CACNB4: variants seen among roughly 807,000 people sequenced by gnomAD.
The protein encoded by CACNB4 is voltage-dependent L-type calcium channel subunit beta-4.
Under a neutral mutation model 71.2 loss-of-function variants are expected in CACNB4, and 32 were observed. The ratio of observed to expected loss-of-function variants is 0.45; its 90% CI spans 0.34 to 0.60. The LOEUF (loss-of-function observed/expected upper bound fraction) is 0.60, where lower values mean the gene tolerates loss of function less well. CACNB4 is among the 20% of genes least tolerant of loss of function. The pLI, the probability that CACNB4 is intolerant of heterozygous loss-of-function variation, is 0.01. For missense variants in CACNB4, 464 were observed against 647.9 expected (o/e 0.72, Z 3.08); for synonymous variants, 231 against 236.9 (o/e 0.97, Z 0.23).
intron 4 of CACNB4, among the ~76,000 whole-genome samples, chr2:151,878,550 T>TAAACACACACACACAC (rs1553758243): frequency 2.3e-5 from 3 of 129,962 alleles, no homozygotes; most frequent in African/African-American, 5.7e-5. Flanking sequence ...AGACCCTGTC[T>TAAACACACACACACAC]ACACACACAC....
chr2:152,072,108 A>G (rs1686727251), intron 2 of CACNB4, among the ~76,000 whole-genome samples: 1 of 152,244 alleles, frequency 6.6e-6, no homozygotes, highest in Non-Finnish European at 1.5e-5. Context: ...AGATGACAAT[A>G]ATTGAGAGGG....
chr2:151,866,252 A>G (rs1470856062), intron 9 of CACNB4: 1 of 152,224 alleles, frequency 6.6e-6, no homozygotes, highest in African/African-American at 2.4e-5. Flanking sequence ...CTTTCATCCA[A>G]TTTGTTGAAT....
chr2:152,041,725 C>A (rs188345171), intron 2 of CACNB4, among the ~76,000 whole-genome samples: 2 of 152,250 alleles, frequency 1.3e-5, no homozygotes, highest in African/African-American at 4.8e-5. Flanking sequence ...ATTAAAAAAA[C>A]GGCTTTGGGT....
intron 10 of CACNB4, among the ~76,000 whole-genome samples, chr2:151,855,842 C>A (rs763714590): frequency 3.3e-5 from 5 of 152,074 alleles, no homozygotes; most frequent in Non-Finnish European, 4.4e-5. Flanking sequence ...TTTAAAAAAA[C>A]CCCACAACTC....
chr2:152,063,229 A>C (rs1489038490), intron 2 of CACNB4, among the ~76,000 whole-genome samples: 1 of 152,258 alleles, frequency 6.6e-6, no homozygotes, highest in East Asian at 1.9e-4. Flanking sequence ...AGCCTCTAAC[A>C]GTTCCAAATC....
intron 2 of CACNB4, among the ~76,000 whole-genome samples, chr2:152,032,312 G>A (rs1441692478): frequency 6.6e-6 from 1 of 152,206 alleles, no homozygotes. Context: ...AGGGGCAACA[G>A]CCATGTCTCC....
intron 12 of CACNB4, chr2:151,851,440 G>A (rs978662880): frequency 8.5e-5 from 13 of 152,232 alleles, no homozygotes; most frequent in African/African-American, 3.1e-4. Flanking sequence ...ATCCTACTGA[G>A]ATAATGGTAA....
At chr2:152,046,822 C>T (rs908372095) in intron 2 of CACNB4, among the ~76,000 whole-genome samples, 13 of 152,126 alleles carry the variant, frequency 8.5e-5, no homozygotes, top group Non-Finnish European at 1.8e-4. Flanking sequence ...CTTGTCCAAG[C>T]TCAAGTATCT....
chr2:152,095,021 T>C (rs1688190861), intron 2 of CACNB4, among the ~76,000 whole-genome samples: 1 of 152,210 alleles, frequency 6.6e-6, no homozygotes, highest in South Asian at 2.1e-4. Flanking sequence ...CCTTTGTGTG[T>C]ACTTTGAAGA....
chr2:151,859,790 GATA>G (rs1299358119), intron 10 of CACNB4: 1 of 152,194 alleles, frequency 6.6e-6, no homozygotes, highest in East Asian at 1.9e-4. Context: ...GGAACACACA[GATA>G]ATATTTTGTA....
At chr2:151,860,629 G>GA in intron 10 of CACNB4, 82 bp downstream of exon 10, 1 of 947,250 alleles carries the variant, frequency 1.1e-6, no homozygotes, top group South Asian at 1.3e-5. Flanking sequence ...GGAACAAATT[G>GA]AAAAAGACAT....
At chr2:152,057,318 C>T (rs909090212) in intron 2 of CACNB4, among the ~76,000 whole-genome samples, 3 of 152,150 alleles carry the variant, frequency 2.0e-5, no homozygotes, top group Admixed American at 2.0e-4. Context: ...CTCATTGCAG[C>T]CTTGTGACTA....
chr2:151,953,800 G>A (rs978299213), intron 2 of CACNB4, among the ~76,000 whole-genome samples: 1 of 152,162 alleles, frequency 6.6e-6, no homozygotes, highest in Non-Finnish European at 1.5e-5. Context: ...AGTGTTGGAA[G>A]TTCCATAGGT....
intron 2 of CACNB4, among the ~76,000 whole-genome samples, chr2:152,082,999 C>G (rs1292651955): frequency 6.6e-6 from 1 of 152,088 alleles, no homozygotes. Context: ...GTTGTGGTAC[C>G]AGAGGAAGGA....
intron 2 of CACNB4, among the ~76,000 whole-genome samples, chr2:152,065,666 TG>T (rs1686273983): frequency 6.6e-6 from 1 of 152,200 alleles, no homozygotes; most frequent in African/African-American, 2.4e-5. Context: ...CTTACATCAT[TG>T]ATTCTCTCTC....
In CACNB4 at chr2:151,993,149, T is replaced by C. The variant is rs531286552; in HGVS notation, c.147+105181A>G. The stretch of plus-strand genomic sequence containing the variant: ...AGTCAGAGACAGTAAGCCACGTTTT[T>C]TGTTTTTTTTTTTTTTAAACATCTT... On this transcript the variant is annotated intron_variant, in intron 2 of 13. Coordinates refer to ENST00000539935, the MANE Select transcript of CACNB4 (RefSeq NM_000726.5). 7.3e-5 allele frequency among the ~76,000 whole-genome samples: 7 copies of C among 95,864 alleles called. No homozygotes were observed. The East Asian group carries it at 2.3e-3, about 32-fold the overall frequency. The allele number at this position is 95,864 out of a possible 152,430, so 62.9% of individuals were successfully genotyped here.
chr2:152,095,516 T>TA (rs1688218357), intron 2 of CACNB4, among the ~76,000 whole-genome samples: 1 of 152,130 alleles, frequency 6.6e-6, no homozygotes, highest in Non-Finnish European at 1.5e-5. Context: ...AATATATATA[T>TA]TTTTTGGTAT....
chr2:151,974,382 A>G (rs2099873390), intron 2 of CACNB4, among the ~76,000 whole-genome samples: 1 of 152,240 alleles, frequency 6.6e-6, no homozygotes, highest in African/African-American at 2.4e-5. Context: ...ATGTGAAGAA[A>G]AAAATGACTA....
In CACNB4 at chr2:152,093,908, G is replaced by A. The variant is rs140291994; in HGVS notation, c.147+4422C>T. Among the ~76,000 whole-genome samples the A allele has an allele frequency of 9.8e-5, 15 of 152,324 alleles. No individual in the cohort carries two copies. The East Asian group carries it at 2.9e-3, about 29-fold the overall frequency. On this transcript the variant is annotated intron_variant, in intron 2 of 13. Coordinates refer to ENST00000539935, the MANE Select transcript of CACNB4 (RefSeq NM_000726.5). ...AGGCAATTTCTCCCCACTAAACAAAGCATTTAATGTTGGAGCAGAACCTCA... is the reference window on the plus strand; with the variant it reads ...AGGCAATTTCTCCCCACTAAACAAAACATTTAATGTTGGAGCAGAACCTCA...
Sources: gnomAD v4.1 joint callset for allele counts (sites outside exome capture counted in the v4.1 genomes callset) on GRCh38, gnomAD v4.1.1 for gene constraint, MANE v1.5 for transcripts, NCBI Gene and HGNC (gene_info 2026-07-23, HGNC 2026-07-21) for gene names.